PDE5A: variants seen among roughly 807,000 people sequenced by gnomAD.
The protein encoded by PDE5A is cGMP-specific 3',5'-cyclic phosphodiesterase.
PDE5A carries 67 observed loss-of-function variants against 110.2 expected under a neutral mutation model. The observed-to-expected ratio is 0.61, with a 90% CI of 0.50 to 0.75. PDE5A has a LOEUF of 0.75. Among genes scored for constraint, PDE5A ranks in the 30% least tolerant of loss-of-function variants. PDE5A has a pLI of 0.00. For missense variants in PDE5A, 862 were observed against 1,045.1 expected, an observed-to-expected ratio of 0.82 and a Z score of 2.42; for synonymous variants, 328 against 351.2, an observed-to-expected ratio of 0.93 and a Z score of 0.74.
At chr4:119,614,924 G>C (rs921255234) in intron 1 of PDE5A, among the ~76,000 whole-genome samples, 1 of 152,146 alleles carries the variant, frequency 6.6e-6, no homozygotes, top group Non-Finnish European at 1.5e-5. Flanking sequence ...AATAGCACCA[G>C]TTCTGGCCTT....
intron 18 of PDE5A, among the ~76,000 whole-genome samples, chr4:119,503,535 T>A (rs1429265316): frequency 6.6e-6 from 1 of 152,100 alleles, no homozygotes; most frequent in East Asian, 1.9e-4. Context: ...AGGCTAACCA[T>A]AAGAAAAGTA....
At chr4:119,570,661 A>T (rs1446111518) in intron 3 of PDE5A, among the ~76,000 whole-genome samples, 1 of 152,166 alleles carries the variant, frequency 6.6e-6, no homozygotes, top group Non-Finnish European at 1.5e-5. Context: ...TTCTTCAATA[A>T]GCAGCTGCCC....
At chr4:119,572,163 G>A (rs1039816183) in intron 3 of PDE5A, among the ~76,000 whole-genome samples, 9 of 152,122 alleles carry the variant, frequency 5.9e-5, no homozygotes, top group Non-Finnish European at 1.3e-4. Flanking sequence ...CGCCCTATAC[G>A]AGGCAGGGTA....
intron 3 of PDE5A, among the ~76,000 whole-genome samples, chr4:119,595,829 T>C (rs1729132967): frequency 6.6e-6 from 1 of 152,242 alleles, no homozygotes; most frequent in Non-Finnish European, 1.5e-5. Flanking sequence ...ATATATCCTA[T>C]TGATTCTGTT....
At chr4:119,616,833 C>G (rs1408815649) in intron 1 of PDE5A, among the ~76,000 whole-genome samples, 3 of 151,902 alleles carry the variant, frequency 2.0e-5, no homozygotes, top group Non-Finnish European at 2.9e-5. Flanking sequence ...TTTATTTTAT[C>G]AAAATTACAC....
intron 3 of PDE5A, among the ~76,000 whole-genome samples, chr4:119,580,904 T>C (rs2110521484): frequency 6.6e-6 from 1 of 152,336 alleles, no homozygotes; most frequent in Admixed American, 6.5e-5. Flanking sequence ...CACAATACAT[T>C]GCCAAAAACG....
chr4:119,567,050 A>G, intron 4 of PDE5A, 23 bp downstream of exon 4: 1 of 1,562,840 alleles, frequency 6.4e-7, no homozygotes, highest in South Asian at 1.1e-5. Flanking sequence ...AAATTGGCTC[A>G]TGTCTGACAC....
At chr4:119,581,982 C>T (rs983754111) in intron 3 of PDE5A, among the ~76,000 whole-genome samples, 2 of 152,062 alleles carry the variant, frequency 1.3e-5, no homozygotes, top group Non-Finnish European at 2.9e-5. Flanking sequence ...TGATGGCTGC[C>T]GAATGATCAG....
At chr4:119,554,433 A>G (rs1344243084) in intron 7 of PDE5A, among the ~76,000 whole-genome samples, 2 of 152,202 alleles carry the variant, frequency 1.3e-5, no homozygotes, top group Non-Finnish European at 2.9e-5. Flanking sequence ...AGTGAACATG[A>G]AAGATTAATC....
At chr4:119,502,205 C>CTGTT (rs1032201183) in intron 19 of PDE5A, among the ~76,000 whole-genome samples, 1 of 151,752 alleles carries the variant, frequency 6.6e-6, no homozygotes, top group Non-Finnish European at 1.5e-5. Flanking sequence ...TATCACAGTG[C>CTGTT]TGTTTGTAAT....
chr4:119,610,935 C>G (rs189572130), intron 1 of PDE5A, among the ~76,000 whole-genome samples: 474 of 152,272 alleles, frequency 3.1e-3, no homozygotes, highest in Admixed American at 5.3e-3. Context: ...AAATTTTCAG[C>G]AAAGTATGTC....
chr4:119,516,323 CT>C (rs1320528258), intron 14 of PDE5A, among the ~76,000 whole-genome samples: 1 of 152,204 alleles, frequency 6.6e-6, no homozygotes, highest in Non-Finnish European at 1.5e-5. Context: ...TTTTATACTT[CT>C]ATCACTTTCT....
At chr4:119,569,269 C>T (rs956117169) in intron 3 of PDE5A, among the ~76,000 whole-genome samples, 1 of 151,986 alleles carries the variant, frequency 6.6e-6, no homozygotes, top group Non-Finnish European at 1.5e-5. Flanking sequence ...CTATGCCCTG[C>T]ACTCAAGCAA....
chr4:119,568,858 G>C (rs1294476123), intron 3 of PDE5A, among the ~76,000 whole-genome samples: 1 of 152,160 alleles, frequency 6.6e-6, no homozygotes, highest in Non-Finnish European at 1.5e-5. Context: ...ACCTGGAACT[G>C]TATGAAGCAA....
intron 14 of PDE5A, among the ~76,000 whole-genome samples, chr4:119,517,312 T>C (rs1725944671): frequency 6.6e-6 from 1 of 152,098 alleles, no homozygotes; most frequent in African/African-American, 2.4e-5. Flanking sequence ...AAGATAGTAC[T>C]TTACATGGGA....
chr4:119,590,844 C>T (rs183328872), intron 3 of PDE5A, among the ~76,000 whole-genome samples: 2 of 152,288 alleles, frequency 1.3e-5, no homozygotes, highest in East Asian at 1.9e-4. Flanking sequence ...ATTAAAACAG[C>T]TTTCCAGAGT....
intron 3 of PDE5A, among the ~76,000 whole-genome samples, chr4:119,569,410 ACACCAGAAATACCC>A (rs1321440843): frequency 1.7e-4 from 26 of 152,246 alleles, no homozygotes; most frequent in African/African-American, 5.5e-4. Flanking sequence ...GGGGTAATAG[ACACCAGAAATACCC>A]TCATTTGATC....
intron 2 of PDE5A, among the ~76,000 whole-genome samples, chr4:119,598,406 T>C (rs1050548901): frequency 3.9e-5 from 6 of 152,194 alleles, no homozygotes; most frequent in Non-Finnish European, 8.8e-5. Flanking sequence ...TTTAACAATG[T>C]ACTCAGTGCA....
At chr4:119,548,687 T>C (rs1266374417) in intron 9 of PDE5A, 1 of 152,236 alleles carries the variant, frequency 6.6e-6, no homozygotes, top group African/African-American at 2.4e-5. Context: ...TTCAGTCAAT[T>C]ATTAAATCTG....
Sources: gnomAD v4.1 joint callset for allele counts (sites outside exome capture counted in the v4.1 genomes callset) on GRCh38, gnomAD v4.1.1 for gene constraint, MANE v1.5 for transcripts, NCBI Gene and HGNC (gene_info 2026-07-23, HGNC 2026-07-21) for gene names.